DCC: variants seen among roughly 807,000 people sequenced by gnomAD.
DCC encodes netrin receptor DCC.
A neutral mutation model predicts 172.5 loss-of-function variants in DCC; 58 were observed. The observed-to-expected ratio is 0.34, with a 90% CI of 0.27 to 0.42. The LOEUF is 0.42. Ranked by LOEUF, DCC falls within the 10% of genes least tolerant of loss-of-function variation. DCC has a pLI of 1.00. For synonymous variants in DCC, 709 were observed against 644.5 expected, an observed-to-expected ratio of 1.10 and a Z score of -1.52; for missense variants, 1,740 against 1,791.0, an observed-to-expected ratio of 0.97 and a Z score of 0.51.
intron 13 of DCC, among the ~76,000 whole-genome samples, chr18:53,308,693 C>T (rs2057230615): frequency 6.6e-6 from 1 of 152,252 alleles, no homozygotes; most frequent in African/African-American, 2.4e-5. Flanking sequence ...CTAAATAACA[C>T]ATTTAGGACT....
intron 7 of DCC, among the ~76,000 whole-genome samples, chr18:53,106,515 A>G (rs1335958542): frequency 1.3e-5 from 2 of 151,944 alleles, no homozygotes; most frequent in African/African-American, 4.8e-5. Context: ...GCCACATGGT[A>G]CTCAAGATGT....
chr18:52,734,931 A>G (rs1167223025), intron 1 of DCC, among the ~76,000 whole-genome samples: 2 of 152,174 alleles, frequency 1.3e-5, no homozygotes, highest in Non-Finnish European at 2.9e-5. Flanking sequence ...TCTGGGTGAC[A>G]TAAATGTTTG....
At chr18:53,393,930 C>T (rs796277748) in intron 17 of DCC, among the ~76,000 whole-genome samples, 2 of 84,694 alleles carry the variant, frequency 2.4e-5, no homozygotes, top group African/African-American at 3.3e-5. Flanking sequence ...TCCCTCCCTC[C>T]CTCCCCCTAT....
At chr18:53,122,491 A>T (rs562736160) in intron 7 of DCC, among the ~76,000 whole-genome samples, 75 of 152,018 alleles carry the variant, frequency 4.9e-4, no homozygotes, top group African/African-American at 1.8e-3. Context: ...AATGGAGAAC[A>T]TAAAGTTTCA....
intron 1 of DCC, among the ~76,000 whole-genome samples, chr18:52,506,759 G>A (rs1290695991): frequency 6.6e-6 from 1 of 151,890 alleles, no homozygotes; most frequent in African/African-American, 2.4e-5. Flanking sequence ...ACTGATTATT[G>A]TTATTTTATC....
chr18:53,443,363 T>A (rs550574806), intron 22 of DCC, among the ~76,000 whole-genome samples: 1 of 152,354 alleles, frequency 6.6e-6, no homozygotes, highest in African/African-American at 2.4e-5. Flanking sequence ...AAAGTCTGGT[T>A]AACTACACAC....
intron 12 of DCC, among the ~76,000 whole-genome samples, chr18:53,247,662 A>G (rs2056381465): frequency 6.6e-6 from 1 of 152,116 alleles, no homozygotes; most frequent in East Asian, 1.9e-4. Context: ...ATTTTTATAG[A>G]TGTTAATTTT....
At chr18:52,794,246 A>G (rs1433317878) in intron 2 of DCC, among the ~76,000 whole-genome samples, 1 of 152,034 alleles carries the variant, frequency 6.6e-6, no homozygotes, top group Non-Finnish European at 1.5e-5. Context: ...CTATGGTGGC[A>G]TTGGGAAGGA....
intron 1 of DCC, among the ~76,000 whole-genome samples, chr18:52,368,209 A>G (rs1261256709): frequency 6.6e-6 from 1 of 152,170 alleles, no homozygotes; most frequent in Non-Finnish European, 1.5e-5. Flanking sequence ...AATCTGTTTC[A>G]TTTCTGAAAG....
At chr18:53,158,294 C>T (rs1259469485) in intron 8 of DCC, among the ~76,000 whole-genome samples, 1 of 152,122 alleles carries the variant, frequency 6.6e-6, no homozygotes, top group Non-Finnish European at 1.5e-5. Flanking sequence ...GTGAGCTGTA[C>T]ATATCTGGTT....
At chr18:52,480,504 T>C (rs568827634) in intron 1 of DCC, among the ~76,000 whole-genome samples, 2 of 152,176 alleles carry the variant, frequency 1.3e-5, no homozygotes, top group Admixed American at 6.5e-5. Context: ...TCAACACAAG[T>C]GTCCCACTGA....
intron 7 of DCC, among the ~76,000 whole-genome samples, chr18:53,105,106 G>A (rs988736033): frequency 6.6e-6 from 1 of 151,974 alleles, no homozygotes; most frequent in African/African-American, 2.4e-5. Context: ...GTATTAATTG[G>A]CATCCTTAGA....
At chr18:53,300,242 C>A (rs1594460) in intron 12 of DCC, among the ~76,000 whole-genome samples, 22,059 of 152,146 alleles carry the variant, frequency 0.14, 2,243 homozygotes, top group African/African-American at 0.28. Context: ...CAACTCAAAT[C>A]AATACCCTTG....
At chr18:52,629,601 G>A (rs1380964836) in intron 1 of DCC, among the ~76,000 whole-genome samples, 1 of 152,126 alleles carries the variant, frequency 6.6e-6, no homozygotes, top group Non-Finnish European at 1.5e-5. Context: ...GATCACCTGA[G>A]GTCAGGAGTT....
intron 5 of DCC, among the ~76,000 whole-genome samples, chr18:52,970,028 A>T (rs944667728): frequency 1.3e-5 from 2 of 152,140 alleles, no homozygotes; most frequent in Non-Finnish European, 2.9e-5. Context: ...CATAATATTT[A>T]AAAAATTACT....
At chr18:52,382,373 G>A (rs929495942) in intron 1 of DCC, among the ~76,000 whole-genome samples, 16 of 152,012 alleles carry the variant, frequency 1.1e-4, no homozygotes, top group African/African-American at 3.6e-4. Flanking sequence ...ACTACATGCA[G>A]TGACTAATAC....
intron 25 of DCC, among the ~76,000 whole-genome samples, chr18:53,469,665 T>C (rs2045671128): frequency 1.3e-5 from 2 of 152,176 alleles, no homozygotes; most frequent in South Asian, 4.1e-4. Context: ...CAGTTTTTTT[T>C]CCTTATTTAT....
At chr18:52,443,006 T>A (rs78650916) in intron 1 of DCC, among the ~76,000 whole-genome samples, 1 of 130,918 alleles carries the variant, frequency 7.6e-6, no homozygotes, top group Non-Finnish European at 1.5e-5. Flanking sequence ...TTTCTTTCTA[T>A]TTTTTTTTTT....
intron 7 of DCC, among the ~76,000 whole-genome samples, chr18:53,155,155 G>A (rs2054709892): frequency 6.6e-6 from 1 of 150,576 alleles, no homozygotes; most frequent in African/African-American, 2.4e-5. Context: ...AGTAAGAATT[G>A]TATATCGATA....
Sources: allele counts gnomAD v4.1 joint callset (sites outside exome capture counted in the v4.1 genomes callset), GRCh38; gene constraint gnomAD v4.1.1; transcripts MANE v1.5; gene names NCBI Gene and HGNC (gene_info 2026-07-23, HGNC 2026-07-21).